Variants in PLXDC2 observed in about 807,000 individuals in gnomAD.
PLXDC2 encodes the protein plexin domain-containing protein 2.
A neutral mutation model predicts 68.9 loss-of-function variants in PLXDC2; 40 were observed. The ratio of observed to expected loss-of-function variants is 0.58; its 90% confidence interval spans 0.45 to 0.76. The LOEUF is 0.76. PLXDC2 is among the 30% of genes least tolerant of loss of function. The pLI is 0.00. For synonymous variants in PLXDC2, 243 were observed against 234.2 expected, an observed-to-expected ratio of 1.04 and a Z score of -0.34; for missense variants, 644 against 661.9, an observed-to-expected ratio of 0.97 and a Z score of 0.30.
At chr10:19,831,955 A>G (rs1397836730) in intron 1 of PLXDC2, among the ~76,000 whole-genome samples, 1 of 152,144 alleles carries the variant, frequency 6.6e-6, no homozygotes, top group Non-Finnish European at 1.5e-5. Flanking sequence ...TACTGCATAT[A>G]CACCCAGAGC....
At chr10:19,944,212 T>G (rs1317829322) in intron 1 of PLXDC2, among the ~76,000 whole-genome samples, 2 of 152,134 alleles carry the variant, frequency 1.3e-5, no homozygotes, top group Admixed American at 6.5e-5. Flanking sequence ...AAAGGTATAA[T>G]CCCACTGAGA....
At chr10:20,159,094 A>T (rs576875226) in intron 6 of PLXDC2, among the ~76,000 whole-genome samples, 122 of 152,304 alleles carry the variant, frequency 8.0e-4, no homozygotes, top group Non-Finnish European at 1.5e-3. Flanking sequence ...TTAATGGAGA[A>T]CATTTGAAGC....
At chr10:19,877,509 A>G (rs1220101904) in intron 1 of PLXDC2, among the ~76,000 whole-genome samples, 2 of 152,186 alleles carry the variant, frequency 1.3e-5, no homozygotes, top group African/African-American at 2.4e-5. Flanking sequence ...GCCCATTATG[A>G]GTAGAAATGA....
intron 13 of PLXDC2, among the ~76,000 whole-genome samples, chr10:20,245,756 A>G (rs1835586119): frequency 1.3e-5 from 2 of 152,194 alleles, no homozygotes; most frequent in African/African-American, 4.8e-5. Flanking sequence ...TCTAAGATCT[A>G]AAAGAAAATG....
intron 1 of PLXDC2, among the ~76,000 whole-genome samples, chr10:19,960,443 G>A (rs1026795009): frequency 1.3e-5 from 2 of 151,158 alleles, no homozygotes; most frequent in African/African-American, 2.4e-5. Flanking sequence ...TGAAACAGAG[G>A]TTATCTCTTT....
At chr10:19,935,306 C>A (rs2131393020) in intron 1 of PLXDC2, among the ~76,000 whole-genome samples, 1 of 152,320 alleles carries the variant, frequency 6.6e-6, no homozygotes, top group Non-Finnish European at 1.5e-5. Context: ...AGAGGCACAG[C>A]CAGGCATTGC....
chr10:20,257,883 TAA>T (rs1421246679), intron 13 of PLXDC2, among the ~76,000 whole-genome samples: 1 of 152,058 alleles, frequency 6.6e-6, no homozygotes, highest in Non-Finnish European at 1.5e-5. Context: ...AAATTTTTAC[TAA>T]GAGAATAAAT....
At chr10:20,254,315 G>C (rs983848355) in intron 13 of PLXDC2, among the ~76,000 whole-genome samples, 1 of 152,254 alleles carries the variant, frequency 6.6e-6, no homozygotes, top group Admixed American at 6.5e-5. Flanking sequence ...AAAGACTGCT[G>C]GGAAGAAAAA....
At chr10:19,973,346 G>A (rs185842706) in intron 1 of PLXDC2, among the ~76,000 whole-genome samples, 21,643 of 143,848 alleles carry the variant, frequency 0.15, 1,739 homozygotes, top group Middle Eastern at 0.19. Context: ...GTGTATATAT[G>A]TATACTCACA....
chr10:19,866,105 T>C (rs1837410676), intron 1 of PLXDC2, among the ~76,000 whole-genome samples: 1 of 152,180 alleles, frequency 6.6e-6, no homozygotes, highest in African/African-American at 2.4e-5. Flanking sequence ...TTTAGAATGA[T>C]TGAAAACAAA....
At chr10:19,897,701 C>A (rs1838084360) in intron 1 of PLXDC2, among the ~76,000 whole-genome samples, 2 of 152,058 alleles carry the variant, frequency 1.3e-5, no homozygotes, top group Admixed American at 6.6e-5. Flanking sequence ...GTGAAATAAA[C>A]ACTTTTACAT....
At chr10:20,259,810 A>G (rs1835786912) in intron 13 of PLXDC2, among the ~76,000 whole-genome samples, 1 of 152,234 alleles carries the variant, frequency 6.6e-6, no homozygotes, top group Non-Finnish European at 1.5e-5. Context: ...CTGGAGCAGT[A>G]TAGCACAAGG....
At chr10:19,942,256 A>G (rs1312595582) in intron 1 of PLXDC2, among the ~76,000 whole-genome samples, 1 of 152,240 alleles carries the variant, frequency 6.6e-6, no homozygotes, top group African/African-American at 2.4e-5. Flanking sequence ...TGACTACCAT[A>G]TAGTGTGCTA....
chr10:20,241,873 C>A (rs367990158), intron 12 of PLXDC2, among the ~76,000 whole-genome samples: 1 of 152,262 alleles, frequency 6.6e-6, no homozygotes, highest in South Asian at 2.1e-4. Context: ...ATGGCAGATA[C>A]TGACCTAAAA....
intron 1 of PLXDC2, among the ~76,000 whole-genome samples, chr10:19,926,418 C>T (rs898007370): frequency 6.6e-6 from 1 of 152,100 alleles, no homozygotes; most frequent in Non-Finnish European, 1.5e-5. Flanking sequence ...AGAAAATCAC[C>T]TAAAGGAGTA....
intron 11 of PLXDC2, among the ~76,000 whole-genome samples, chr10:20,217,777 G>T (rs1406839059): frequency 6.6e-6 from 1 of 151,606 alleles, no homozygotes; most frequent in Non-Finnish European, 1.5e-5. Context: ...GTAAATGCTG[G>T]GATTCTTTTA....
At chr10:20,265,182 AT>A (rs1835854512) in intron 13 of PLXDC2, among the ~76,000 whole-genome samples, 1 of 152,218 alleles carries the variant, frequency 6.6e-6, no homozygotes, top group South Asian at 2.1e-4. Context: ...TAAATAAATT[AT>A]TATCCATGTG....
chr10:20,107,104 T>C (rs1005335397), intron 4 of PLXDC2, among the ~76,000 whole-genome samples: 1 of 149,216 alleles, frequency 6.7e-6, no homozygotes, highest in Non-Finnish European at 1.5e-5. Flanking sequence ...ATATATACTA[T>C]AGTATATATC....
At chr10:20,223,132 C>T (rs1835237506) in intron 12 of PLXDC2, among the ~76,000 whole-genome samples, 2 of 152,056 alleles carry the variant, frequency 1.3e-5, no homozygotes, top group Admixed American at 6.6e-5. Context: ...TTTTACTTCA[C>T]ACAACATCCC....
Sources: gnomAD v4.1 joint callset for allele counts (sites outside exome capture counted in the v4.1 genomes callset) on GRCh38, gnomAD v4.1.1 for gene constraint, MANE v1.5 for transcripts, NCBI Gene and HGNC (gene_info 2026-07-23, HGNC 2026-07-21) for gene names.